SCRIB: variants seen among roughly 807,000 people sequenced by gnomAD.
The protein encoded by SCRIB is protein scribble homolog.
A neutral mutation model predicts 170.0 loss-of-function variants in SCRIB; 72 were observed. That is an observed-to-expected ratio of 0.42 (90% confidence interval 0.35 to 0.52). The LOEUF (loss-of-function observed/expected upper bound fraction) is 0.52, where lower values mean the gene tolerates loss of function less well. Ranked by LOEUF, SCRIB falls within the 20% of genes least tolerant of loss-of-function variation. The probability of loss-of-function intolerance (pLI) is 0.02; values close to 1 mark genes in which losing one functional copy is unlikely to be tolerated. For missense variants in SCRIB, 2,475 were observed against 2,338.5 expected (o/e 1.06, Z -1.20); for synonymous variants, 1,298 against 1,044.3 (o/e 1.24, Z -4.68).
Position 143,805,354 on chromosome 8 carries a change from G to T in SCRIB, c.2428C>A (p.Arg810=). The part of the protein sequence containing the change: ...LRGAGTAVQM[R]VWRERMVEPE... ...TCCACCATGCGCTCCCGCCACACTC[G>T]CATCTGCACGGCAGTGCCGGCCCCC... is the stretch of plus-strand genomic sequence containing the variant. Residue 810 remains arginine (R), a synonymous_variant, in exon 19 of 37, where the codon CGA becomes AGA. Coordinates refer to ENST00000356994, the MANE Select transcript of SCRIB (RefSeq NM_182706.5). The T allele has an allele frequency of 6.4e-7, 1 of 1,551,806 alleles. No homozygotes were observed. The highest frequency in any genetic ancestry group is 1.2e-5 in the South Asian group (1 of 85,396).
At chr8:143,805,643 G>A (rs930884075) in intron 18 of SCRIB, among the ~76,000 whole-genome samples, 3 of 152,180 alleles carry the variant, frequency 2.0e-5, no homozygotes, top group Admixed American at 6.5e-5. Flanking sequence ...CTGAAACCCG[G>A]TGTGGGAAGC....
chr8:143,798,862 C>G (rs1173053475), intron 24 of SCRIB, among the ~76,000 whole-genome samples: 2 of 151,848 alleles, frequency 1.3e-5, no homozygotes. Context: ...GGGGCCAGGT[C>G]CCACACAAAA....
chr8:143,813,131 G>C, intron 6 of SCRIB, 27 bp from the exon 7 acceptor site: 1 of 1,571,428 alleles, frequency 6.4e-7, no homozygotes, highest in Non-Finnish European at 8.6e-7. Flanking sequence ...AGAAAATAGT[G>C]ACTATGAGGC....
Position 143,815,617 on chromosome 8 carries a change from A to AGCGGCGGCG in SCRIB, c.-254_-246dup. The AGCGGCGGCG allele has an allele frequency of 5.3e-5, 52 of 980,426 alleles. No individual in the cohort carries two copies. Among genetic ancestry groups the AGCGGCGGCG allele is most frequent in the Non-Finnish European group, 6.3e-5 (52 of 828,050 alleles). The allele number at this position is 980,426 out of a possible 1,614,324, so 60.7% of individuals were successfully genotyped here. ...TCTCAGACTCTTAGGAAGCGCGGGGAGCGGCGGCGGCGGCGGCTCCGCATC... is the reference window on the plus strand; with the variant it reads ...TCTCAGACTCTTAGGAAGCGCGGGGAGCGGCGGCGGCGGCGGCGGCGGCGGCTCCGCATC... On this transcript the variant is annotated 5_prime_UTR_variant, in exon 1 of 37. Coordinates refer to ENST00000356994, the MANE Select transcript of SCRIB (RefSeq NM_182706.5).
At chr8:143,805,569 C>A in intron 18 of SCRIB, 134 bp from the exon 19 acceptor site, 1 of 900,192 alleles carries the variant, frequency 1.1e-6, no homozygotes, top group East Asian at 3.0e-5. Context: ...CAGGCGCTGA[C>A]ATCACCCGAG....
chr8:143,801,659 T>C (rs1440557663), intron 24 of SCRIB, among the ~76,000 whole-genome samples: 3 of 152,178 alleles, frequency 2.0e-5, no homozygotes, highest in Admixed American at 1.3e-4. Context: ...GCAAGGGCAG[T>C]GCTGGGGCGG....
intron 24 of SCRIB, among the ~76,000 whole-genome samples, chr8:143,802,818 G>C (rs1013634024): frequency 6.6e-6 from 1 of 152,264 alleles, no homozygotes; most frequent in African/African-American, 2.4e-5. Flanking sequence ...CCCCGTCTGG[G>C]CTTCTGCTCT....
rs182360240 is a variant in SCRIB at position 143,795,487 on chromosome 8, C to A, written c.3647G>T (p.Gly1216Val). The change falls in exon 25 of 37, where the codon GGC becomes GTC. Residue 1216 changes from glycine (G) to valine (V), a missense_variant. Physicochemically the swap from Gly to Val is moderately radical, Grantham distance 109 (BLOSUM62 -3). This residue lies in a region of SCRIB where 1,966 missense variants were observed against 1,742.9 expected (regional missense o/e 1.13). Transcript: ENST00000356994. Reference sequence around the variant, plus strand: ...GATGCTCTCCAGGCTGTTCCGGTGGCCGATGCCTGCCGCAAAGGGGTTGGC... The same window carrying A: ...GATGCTCTCCAGGCTGTTCCGGTGGACGATGCCTGCCGCAAAGGGGTTGGC... ...VIANPFAAGI[G>V]HRNSLESISS... The A allele has an allele frequency of 2.5e-6, 4 of 1,613,018 alleles. No individual in the cohort carries two copies. The East Asian group carries it at 8.9e-5, about 36-fold the overall frequency.
chr8:143,805,263 C>T lies in SCRIB; in HGVS notation c.2519G>A (p.Arg840Gln), dbSNP rs1320417310. 54 of 1,535,924 alleles carry T rather than the reference C, an allele frequency of 3.5e-5. No homozygotes were observed. The highest frequency in any genetic ancestry group is 4.9e-5 in the East Asian group (2 of 40,902). ...PEDDYSPRER[R>Q]GGGLRLPLLP... is the part of the protein sequence containing the mutation. ...CAGGGGCAGGCGCAGCCCCCCTCCCCGCCGCTCTCGGGGGCTGTAATCATC... is the reference window on the plus strand; with the variant it reads ...CAGGGGCAGGCGCAGCCCCCCTCCCTGCCGCTCTCGGGGGCTGTAATCATC... The change falls in exon 19 of 37, where the codon CGG becomes CAG. Residue 840 changes from arginine (R) to glutamine (Q), a missense_variant. By Grantham distance (43) the Arg-to-Gln change is conservative (BLOSUM62 1). This residue lies in a region of SCRIB where 1,966 missense variants were observed against 1,742.9 expected (regional missense o/e 1.13). Coordinates refer to ENST00000356994, the MANE Select transcript of SCRIB (RefSeq NM_182706.5).
chr8:143,806,288 G>A, intron 18 of SCRIB, 119 bp downstream of exon 18: 1 of 771,366 alleles, frequency 1.3e-6, no homozygotes, highest in African/African-American at 1.7e-5. Flanking sequence ...AAGTCTGGGT[G>A]TCCTGTGCTT....
intron 27 of SCRIB, 122 bp from the exon 28 acceptor site, chr8:143,794,084 T>A: frequency 1.1e-6 from 1 of 872,556 alleles, no homozygotes; most frequent in Non-Finnish European, 1.8e-6. Context: ...CCAACCTGAC[T>A]ATAGCCCAGG....
chr8:143,791,482 C>A (rs1554632608), intron 35 of SCRIB, 42 bp from the exon 36 acceptor site: 3 of 1,602,800 alleles, frequency 1.9e-6, no homozygotes, highest in Non-Finnish European at 2.6e-6. Flanking sequence ...GCCAGCCCTG[C>A]CCCAAACCAC....
At chr8:143,811,522 C>T (rs112143611) in intron 9 of SCRIB, among the ~76,000 whole-genome samples, 177 bp from the exon 10 acceptor site, 1 of 152,090 alleles carries the variant, frequency 6.6e-6, no homozygotes, top group South Asian at 2.1e-4. Flanking sequence ...CCACTTCGTG[C>T]CCTCTGCTCC....
In SCRIB at chr8:143,791,425, C is replaced by T; in HGVS notation, c.4786G>A (p.Glu1596Lys). The change falls in exon 36 of 37, where the codon GAG (glutamate) becomes AAG (lysine). Residue 1596 changes from glutamate (E) to lysine (K), a missense_variant. By Grantham distance (56) the Glu-to-Lys change is moderately conservative. Around this residue, in one of 3 missense-constraint regions of SCRIB, gnomAD observed 1,966 missense variants for 1,742.9 expected, o/e 1.13. Transcript: ENST00000356994. ...GATGGTTCCAGGGACCTCAACTCCT[C>T]AGCAAAGTCCGGTGACTGTGATGGG... ...VYDIQSPDFA[E>K]ELRSLEPSPS... 1 of 1,611,144 alleles carries T rather than the reference C, an allele frequency of 6.2e-7. No homozygotes were observed.
Position 143,804,588 on chromosome 8 carries a change from C to G in SCRIB, c.2989G>C (p.Glu997Gln), listed in dbSNP as rs201156371. The G allele has an allele frequency of 1.8e-5, 28 of 1,513,550 alleles. No homozygotes were observed. The African/African-American group carries it at 3.2e-4, about 17-fold the overall frequency. The allele number at this position is 1,513,550 out of a possible 1,614,324, so 93.8% of individuals were successfully genotyped here. The change falls in exon 21 of 37, where the codon GAA becomes CAA. Residue 997 changes from glutamate to glutamine, a missense_variant. Transcript: ENST00000356994. ...CTCACCTCCACTGGGTATGGCCCTTCCAACGCGGCAGCCAGCAGGCTGGGG... is the reference window on the plus strand; with the variant it reads ...CTCACCTCCACTGGGTATGGCCCTTGCAACGCGGCAGCCAGCAGGCTGGGG... ...LAPSLLAAAL[E>Q]GPYPVEEIRL...
At chr8:143,798,423 C>T (rs1343688102) in intron 24 of SCRIB, among the ~76,000 whole-genome samples, 4 of 129,536 alleles carry the variant, frequency 3.1e-5, no homozygotes, top group South Asian at 2.4e-4. Context: ...AGGAAGCAGC[C>T]GCCAGAACTC....
chr8:143,811,845 T>G (rs4875059), intron 9 of SCRIB, among the ~76,000 whole-genome samples: 134,591 of 152,210 alleles, frequency 0.88, 59,769 homozygotes, highest in East Asian at 0.98. Context: ...TTTCCCAGCC[T>G]GGGGATGGGG....
Position 143,807,610 on chromosome 8 carries a change from A to T in SCRIB, c.2120T>A (p.Val707Glu). The T allele has an allele frequency of 6.2e-7, 1 of 1,613,276 alleles. No individual in the cohort carries two copies. The highest frequency in any genetic ancestry group is 8.5e-7 in the Non-Finnish European group (1 of 1,179,686). ...AVVSAPSVKG[V>E]SFDQANNLLI... ...CAGGTTATTGGCCTGGTCAAACGAC[A>T]CTCCCTGTTAGGACAGGACCAGTGA... is the stretch of plus-strand genomic sequence containing the variant. Residue 707 changes from valine (V) to glutamate (E), a missense_variant, in exon 16 of 37, where the codon GTG becomes GAG. Physicochemically the swap from Val to Glu is moderately radical, Grantham distance 121. Around this residue, in one of 3 missense-constraint regions of SCRIB, gnomAD observed 1,966 missense variants for 1,742.9 expected, o/e 1.13. Coordinates refer to ENST00000356994, the MANE Select transcript of SCRIB (RefSeq NM_182706.5).
At position 143,794,813 on chromosome 8, in the gene SCRIB, G is replaced by A. The variant is rs1446089894; in HGVS notation, c.3846+225C>T. 2.6e-5 allele frequency among the ~76,000 whole-genome samples: 4 copies of A among 152,130 alleles called. No individual in the cohort carries two copies. The East Asian group carries it at 7.7e-4, about 29-fold the overall frequency. On this transcript the variant is annotated intron_variant, in intron 27 of 36. Transcript: ENST00000356994. ...ATGCCTCGGCCTGTGTCACCCATCC[G>A]CAGCTCAGGGTGTGTGGGTGGGGCA...
Sources: gnomAD v4.1 joint callset for allele counts (sites outside exome capture counted in the v4.1 genomes callset) on GRCh38, gnomAD v4.1.1 for gene constraint, gnomAD v4.1.1 regional missense constraint, MANE v1.5 for transcripts, NCBI Gene and HGNC (gene_info 2026-07-23, HGNC 2026-07-21) for gene names.